Variants in OLFM3 observed in about 807,000 individuals in gnomAD.
The protein encoded by OLFM3 is noelin-3.
In OLFM3, 20 loss-of-function variants were observed where a neutral mutation model predicts 48.6. The ratio of observed to expected loss-of-function variants is 0.41; its 90% CI spans 0.29 to 0.60. The LOEUF (loss-of-function observed/expected upper bound fraction) is 0.60. Among genes scored for constraint, OLFM3 ranks in the 20% least tolerant of loss-of-function variants. The probability of loss-of-function intolerance (pLI) is 0.28; values close to 1 mark genes in which losing one functional copy is unlikely to be tolerated. For synonymous variants in OLFM3, 222 were observed against 198.1 expected (o/e 1.12, Z -1.01); for missense variants, 437 against 544.3 (o/e 0.80, Z 1.96).
At chr1:101,846,419 CA>C (rs1371746400) in intron 1 of OLFM3, among the ~76,000 whole-genome samples, 1 of 151,978 alleles carries the variant, frequency 6.6e-6, no homozygotes, top group East Asian at 1.9e-4. Flanking sequence ...CATTGCATTC[CA>C]AGGAAGAATC....
chr1:101,889,718 T>C (rs1016381874), intron 1 of OLFM3, among the ~76,000 whole-genome samples: 1 of 152,190 alleles, frequency 6.6e-6, no homozygotes, highest in Non-Finnish European at 1.5e-5. Flanking sequence ...TGATCTAGCA[T>C]AGATAACATA....
chr1:101,980,002 G>T (rs1044939042), intron 1 of OLFM3, among the ~76,000 whole-genome samples: 1 of 152,208 alleles, frequency 6.6e-6, no homozygotes, highest in Non-Finnish European at 1.5e-5. Context: ...GAAGCTTAAG[G>T]TTTAATGACT....
At chr1:101,834,527 G>T (rs754427003) in intron 2 of OLFM3, among the ~76,000 whole-genome samples, 2 of 152,136 alleles carry the variant, frequency 1.3e-5, no homozygotes, top group Non-Finnish European at 2.9e-5. Flanking sequence ...ATAAGCAAGG[G>T]ACTGGCTCAG....
At chr1:101,916,460 T>C (rs1658930161) in intron 1 of OLFM3, among the ~76,000 whole-genome samples, 1 of 152,092 alleles carries the variant, frequency 6.6e-6, no homozygotes, top group African/African-American at 2.4e-5. Context: ...CAGTTAATGT[T>C]ACAAGAAAAG....
intron 1 of OLFM3, among the ~76,000 whole-genome samples, chr1:101,905,087 A>G (rs955257009): frequency 6.6e-6 from 1 of 152,112 alleles, no homozygotes; most frequent in African/African-American, 2.4e-5. Flanking sequence ...ATAGATGTGT[A>G]CTCATCAGAA....
chr1:101,830,840 A>C lies in OLFM3; in HGVS notation c.217-13T>G. 1 of 1,610,814 alleles carries C rather than the reference A, an allele frequency of 6.2e-7. No individual in the cohort carries two copies. The highest frequency in any genetic ancestry group is 1.1e-5 in the South Asian group (1 of 90,570). On this transcript the variant is annotated splice_polypyrimidine_tract_variant and intron_variant, in intron 2 of 5. Coordinates refer to ENST00000370103, the MANE Select transcript of OLFM3 (RefSeq NM_058170.4). ...ACATGTTCTGAACCTGTTGAACAAG[A>C]ATATTGTCTGTACATTATTATCTGT...
chr1:101,822,418 G>T (rs1446249722), intron 4 of OLFM3, among the ~76,000 whole-genome samples: 1 of 152,120 alleles, frequency 6.6e-6, no homozygotes, highest in African/African-American at 2.4e-5. Flanking sequence ...CTTAGCAGAT[G>T]CCGGCTCACT....
chr1:101,852,101 TC>T (rs1042047453), intron 1 of OLFM3, among the ~76,000 whole-genome samples: 2 of 152,038 alleles, frequency 1.3e-5, no homozygotes, highest in Non-Finnish European at 2.9e-5. Flanking sequence ...AGCAGATCAT[TC>T]CCAGCATCAT....
At chr1:101,881,278 A>T (rs1001657603) in intron 1 of OLFM3, among the ~76,000 whole-genome samples, 1 of 151,934 alleles carries the variant, frequency 6.6e-6, no homozygotes, top group Non-Finnish European at 1.5e-5. Flanking sequence ...AAATTTACTA[A>T]AAGAAAAGAG....
chr1:101,878,737 G>A (rs1252704213), intron 1 of OLFM3, among the ~76,000 whole-genome samples: 1 of 151,884 alleles, frequency 6.6e-6, no homozygotes, highest in Non-Finnish European at 1.5e-5. Context: ...GATGATGGCA[G>A]AAAATCTTAC....
chr1:101,833,794 A>G (rs1400537851), intron 2 of OLFM3, among the ~76,000 whole-genome samples: 1 of 152,264 alleles, frequency 6.6e-6, no homozygotes, highest in African/African-American at 2.4e-5. Flanking sequence ...TTTAACACAT[A>G]TAAACCGATT....
intron 1 of OLFM3, among the ~76,000 whole-genome samples, chr1:101,956,289 G>T (rs1403694799): frequency 6.6e-6 from 1 of 151,204 alleles, no homozygotes; most frequent in Non-Finnish European, 1.5e-5. Flanking sequence ...CCACATAAAG[G>T]CCTTTATAAT....
intron 2 of OLFM3, 131 bp from the exon 3 acceptor site, chr1:101,830,958 C>G (rs1305728449): frequency 3.0e-6 from 2 of 674,972 alleles, no homozygotes; most frequent in Non-Finnish European, 4.9e-6. Flanking sequence ...CCATATGACA[C>G]ATTTTCAGAA....
chr1:101,889,905 C>T (rs1314497977), intron 1 of OLFM3, among the ~76,000 whole-genome samples: 2 of 151,876 alleles, frequency 1.3e-5, no homozygotes. Context: ...TCTCAGAAGT[C>T]GTCTTAAGGA....
intron 4 of OLFM3, among the ~76,000 whole-genome samples, chr1:101,814,065 T>A (rs1181002557): frequency 2.0e-5 from 3 of 152,164 alleles, no homozygotes; most frequent in Non-Finnish European, 4.4e-5. Flanking sequence ...GTGCTTTGCA[T>A]AAAGTTTCTC....
chr1:101,909,945 C>T (rs1013643402), intron 1 of OLFM3: 1 of 984,410 alleles, frequency 1.0e-6, no homozygotes, highest in Non-Finnish European at 1.2e-6. Flanking sequence ...ACTATAGACT[C>T]ATCCAATAAT....
intron 1 of OLFM3, among the ~76,000 whole-genome samples, chr1:101,892,559 C>A (rs1163463219): frequency 6.6e-6 from 1 of 152,048 alleles, no homozygotes; most frequent in Non-Finnish European, 1.5e-5. Context: ...GTTTGCTTCT[C>A]TTTTCTCCTC....
intron 1 of OLFM3, among the ~76,000 whole-genome samples, chr1:101,880,788 TA>T (rs2100989785): frequency 6.6e-6 from 1 of 151,910 alleles, no homozygotes; most frequent in South Asian, 2.1e-4. Context: ...TACAGAGAGG[TA>T]ACTTGACTAT....
intron 1 of OLFM3, among the ~76,000 whole-genome samples, chr1:101,872,419 A>G (rs1323536644): frequency 4.6e-5 from 7 of 152,042 alleles, no homozygotes; most frequent in Non-Finnish European, 1.0e-4. Context: ...GGTATTTAGG[A>G]TTGATTGGAT....
Sources: gnomAD v4.1 joint callset for allele counts (sites outside exome capture counted in the v4.1 genomes callset) on GRCh38, gnomAD v4.1.1 for gene constraint, MANE v1.5 for transcripts, NCBI Gene and HGNC (gene_info 2026-07-23, HGNC 2026-07-21) for gene names.